Variants in SCN11A observed in about 807,000 individuals in gnomAD.
SCN11A encodes sodium voltage-gated channel alpha subunit 11, also known as sodium channel protein type 11 subunit alpha.
A neutral mutation model predicts 162.2 loss-of-function variants in SCN11A; 122 were observed. That is an observed-to-expected ratio of 0.75 (90% CI 0.65 to 0.87). The LOEUF is 0.87. SCN11A is among the 40% of genes least tolerant of loss of function. SCN11A has a pLI of 0.00. For missense variants in SCN11A, 2,015 were observed against 2,181.6 expected, an observed-to-expected ratio of 0.92 and a Z score of 1.52; for synonymous variants, 758 against 751.5, an observed-to-expected ratio of 1.01 and a Z score of -0.14.
intron 2 of SCN11A, among the ~76,000 whole-genome samples, chr3:38,981,723 A>G (rs1002703006): frequency 2.6e-5 from 4 of 152,012 alleles, no homozygotes; most frequent in Non-Finnish European, 5.9e-5. Context: ...CATAAGGGAG[A>G]GCCTGGCACA....
At chr3:38,865,553 A>G (rs1487749913) in intron 27 of SCN11A, among the ~76,000 whole-genome samples, 1 of 152,194 alleles carries the variant, frequency 6.6e-6, no homozygotes, top group Non-Finnish European at 1.5e-5. Context: ...AAACCAAAGG[A>G]GAATATTTAG....
At chr3:38,915,873 A>G (rs2065953390) in intron 11 of SCN11A, among the ~76,000 whole-genome samples, 1 of 152,114 alleles carries the variant, frequency 6.6e-6, no homozygotes, top group African/African-American at 2.4e-5. Flanking sequence ...TTTCTGCCCC[A>G]GTGATCTGTC....
At position 38,919,974 on chromosome 3, in the gene SCN11A, G is replaced by A. The variant is rs1166678317; in HGVS notation, c.920C>T (p.Ser307Leu). The A allele has an allele frequency of 6.2e-7, 1 of 1,613,298 alleles. No individual in the cohort carries two copies. The highest frequency in any genetic ancestry group is 8.5e-7 in the Non-Finnish European group (1 of 1,179,512). ...YDHCFEKKEN[S>L]PEFKMCGIWM... ...GATGCCACACATTTTGAATTCAGGT[G>A]AATTTTCTTTCTTTTCAAAGCAATG... The change falls in exon 11 of 30, where the codon TCA becomes TTA. Residue 307 changes from serine (S) to leucine (L), a missense_variant. Ser to Leu is a moderately radical substitution (Grantham distance 145, BLOSUM62 -2). Coordinates refer to ENST00000302328, the MANE Select transcript of SCN11A (RefSeq NM_001349253.2).
intron 19 of SCN11A, among the ~76,000 whole-genome samples, chr3:38,892,205 G>T (rs1180266799): frequency 1.3e-5 from 2 of 152,032 alleles, no homozygotes; most frequent in African/African-American, 4.8e-5. Context: ...CAAAAATGAA[G>T]ATGAAATAAT....
chr3:38,938,524 ATATATATATATATATATATATATATATT>A (rs2066377409), intron 7 of SCN11A, among the ~76,000 whole-genome samples: 4 of 16,228 alleles, frequency 2.5e-4, no homozygotes, highest in Non-Finnish European at 4.0e-4. Flanking sequence ...ATATATATAT[ATATATATATATATATATATATATATATT>A]TTTTTTTTTT....
chr3:38,978,660 A>G (rs2066863940), intron 2 of SCN11A, among the ~76,000 whole-genome samples: 2 of 152,072 alleles, frequency 1.3e-5, no homozygotes, highest in Admixed American at 1.3e-4. Flanking sequence ...AAAAAAATTA[A>G]TAACTCTTTT....
At chr3:38,886,660 C>T (rs114775104) in intron 19 of SCN11A, among the ~76,000 whole-genome samples, 179 of 152,138 alleles carry the variant, frequency 1.2e-3, no homozygotes, top group African/African-American at 4.0e-3. Flanking sequence ...AATCTTATGA[C>T]ATTCTGATGT....
intron 19 of SCN11A, among the ~76,000 whole-genome samples, chr3:38,886,566 T>C (rs926881568): frequency 6.6e-6 from 1 of 152,202 alleles, no homozygotes; most frequent in Non-Finnish European, 1.5e-5. Context: ...ATATTTTAAA[T>C]GTGCTCTTTC....
chr3:39,006,584 AAAG>A (rs142257466), intron 2 of SCN11A, among the ~76,000 whole-genome samples: 15,978 of 152,066 alleles, frequency 0.11, 1,039 homozygotes, highest in East Asian at 0.21. Context: ...AGGAAAAAAA[AAAG>A]AAGAAGAAGA....
rs768093037 is a variant in SCN11A at position 38,903,868 on chromosome 3, A to G, written c.1839T>C (p.Asn613=). The change falls in exon 16 of 30, where the codon AAT becomes AAC. Residue 613 remains asparagine, a synonymous_variant. Coordinates refer to ENST00000302328, the MANE Select transcript of SCN11A (RefSeq NM_001349253.2). Reference sequence around the variant, plus strand: ...TTTTTAAAAAGTGTAATGTTACCAAATTCCCTATATTCAACATCTTCTCAA... The same window carrying G: ...TTTTTAAAAAGTGTAATGTTACCAAGTTCCCTATATTCAACATCTTCTCAA... ...ASFEKMLNIG[N]LVFTSIFIAE... 1.9e-6 allele frequency: 3 copies of G among 1,579,608 alleles called. No homozygotes were observed. Among genetic ancestry groups the G allele is most frequent in the Non-Finnish European group, 2.6e-6 (3 of 1,160,510 alleles).
At chr3:38,895,981 C>T (rs58284685) in intron 18 of SCN11A, among the ~76,000 whole-genome samples, 1 of 152,122 alleles carries the variant, frequency 6.6e-6, no homozygotes, top group Non-Finnish European at 1.5e-5. Context: ...AGATCTTGTG[C>T]AGTAAGGCAA....
At chr3:38,892,591 T>G (rs1431436312) in intron 19 of SCN11A, among the ~76,000 whole-genome samples, 2 of 152,134 alleles carry the variant, frequency 1.3e-5, no homozygotes, top group Non-Finnish European at 2.9e-5. Context: ...AAAATAAATC[T>G]TATAAATATA....
Position 38,910,047 on chromosome 3 carries a change from G to T in SCN11A, c.1101+19C>A. 2 of 1,610,806 alleles carry T rather than the reference G, an allele frequency of 1.2e-6. No individual in the cohort carries two copies. Among genetic ancestry groups the T allele is most frequent in the South Asian group, 2.2e-5 (2 of 90,520 alleles). Reference sequence around the variant, plus strand: ...TGGAGGGAGGGAGAGAGGAAAAAGAGAGACTATAAATAGATAACCTGTTGA... The same window carrying T: ...TGGAGGGAGGGAGAGAGGAAAAAGATAGACTATAAATAGATAACCTGTTGA... On this transcript the variant is annotated intron_variant, in intron 12 of 29. Transcript: ENST00000302328.
At chr3:38,944,928 A>G (rs889281315) in intron 7 of SCN11A, among the ~76,000 whole-genome samples, 4 of 152,068 alleles carry the variant, frequency 2.6e-5, no homozygotes, top group Non-Finnish European at 5.9e-5. Flanking sequence ...GTGCCATTGC[A>G]CTCCAGCCTG....
chr3:38,945,420 T>G lies in SCN11A; in HGVS notation c.479A>C (p.Asp160Ala). The change falls in exon 7 of 30, where the codon GAC (aspartate) becomes GCC (alanine). Residue 160 changes from aspartate to alanine, a missense_variant. By Grantham distance (126) the Asp-to-Ala change is moderately radical (BLOSUM62 -2). Transcript: ENST00000302328. ...PAKNSNSNNT[D>A]IAECVFTGIY... is the part of the protein sequence containing the mutation. ...AAGGAAAAATACTTACTCTGCAATG[T>G]CAGTATTGTTACTGTTGCTGTTTTT... 6.2e-7 allele frequency: 1 copy of G among 1,608,722 alleles called. No individual in the cohort carries two copies. Among genetic ancestry groups the G allele is most frequent in the Non-Finnish European group, 8.5e-7 (1 of 1,175,648 alleles).
chr3:38,978,997 G>A (rs1474772357), intron 2 of SCN11A, among the ~76,000 whole-genome samples: 1 of 152,086 alleles, frequency 6.6e-6, no homozygotes, highest in African/African-American at 2.4e-5. Flanking sequence ...CTTCTAATTG[G>A]GCCAAATCCT....
intron 12 of SCN11A, 61 bp from the exon 13 acceptor site, chr3:38,909,255 A>G: frequency 6.5e-7 from 1 of 1,543,882 alleles, no homozygotes; most frequent in Non-Finnish European, 8.9e-7. Context: ...AGTGACCATC[A>G]CCTCAAGCAA....
Position 38,896,893 on chromosome 3 carries a change from T to G in SCN11A, c.2355A>C (p.Ser785=). The part of the protein sequence containing the change: ...ECMQEANASS[S]LCVIVFILIT... ...TCAATATGAAGACAATAACACACAA[T>G]GATGATGATGCATTCGCTTCTTGCA... is the stretch of plus-strand genomic sequence containing the variant. Residue 785 remains serine, a synonymous_variant, in exon 18 of 30, where the codon TCA becomes TCC. Transcript: ENST00000302328. 1.9e-6 allele frequency: 3 copies of G among 1,608,930 alleles called. No individual in the cohort carries two copies. Among genetic ancestry groups the G allele is most frequent in the Non-Finnish European group, 2.5e-6 (3 of 1,178,218 alleles).
At chr3:38,929,131 G>GCGCGCGCGCGCGCA (rs774058202) in intron 7 of SCN11A, among the ~76,000 whole-genome samples, 1 of 36,994 alleles carries the variant, frequency 2.7e-5, no homozygotes, top group Non-Finnish European at 6.9e-5. Context: ...CTGGGTCTGT[G>GCGCGCGCGCGCGCA]CACGCACACA....
Sources: allele counts gnomAD v4.1 joint callset (sites outside exome capture counted in the v4.1 genomes callset), GRCh38; gene constraint gnomAD v4.1.1; transcripts MANE v1.5; gene names NCBI Gene and HGNC (gene_info 2026-07-23, HGNC 2026-07-21).